BAALC: variants seen among roughly 807,000 people sequenced by gnomAD.
BAALC encodes brain and acute leukemia cytoplasmic protein.
In BAALC, 9 loss-of-function variants were observed where a neutral mutation model predicts 15.5. That is an observed-to-expected ratio of 0.58 (90% confidence interval 0.35 to 1.02). The LOEUF (loss-of-function observed/expected upper bound fraction) is 1.02, where lower values mean the gene tolerates loss of function less well. Ranked by LOEUF, BAALC falls within the 50% of genes least tolerant of loss-of-function variation. The probability of loss-of-function intolerance (pLI) is 0.02; values close to 1 mark genes in which losing one functional copy is unlikely to be tolerated. For missense variants in BAALC, 201 were observed against 192.4 expected (o/e 1.04, Z -0.27); for synonymous variants, 80 against 74.6 (o/e 1.07, Z -0.37).
chr8:103,156,976 A>T (rs1478292612), intron 1 of BAALC: 3 of 152,356 alleles, frequency 2.0e-5, no homozygotes. Context: ...CTTTAGCCAT[A>T]TTTGTCTCTT....
At chr8:103,149,182 A>G (rs1456349322) in intron 1 of BAALC, among the ~76,000 whole-genome samples, 3 of 151,464 alleles carry the variant, frequency 2.0e-5, no homozygotes, top group South Asian at 4.2e-4. Context: ...CCCCCACCCC[A>G]TCTGCCTTGG....
intron 1 of BAALC, among the ~76,000 whole-genome samples, chr8:103,201,350 G>T (rs1419720229): frequency 2.0e-5 from 3 of 151,938 alleles, no homozygotes. Context: ...GGCACCTGTT[G>T]GTCACCCTAG....
intron 2 of BAALC, among the ~76,000 whole-genome samples, chr8:103,214,163 A>G (rs935650777): frequency 6.6e-6 from 1 of 152,200 alleles, no homozygotes; most frequent in Non-Finnish European, 1.5e-5. Flanking sequence ...CATGATCTTC[A>G]GGAAGAGTTT....
intron 2 of BAALC, among the ~76,000 whole-genome samples, chr8:103,222,509 G>C (rs1812700232): frequency 6.6e-6 from 1 of 152,114 alleles, no homozygotes; most frequent in Non-Finnish European, 1.5e-5. Context: ...CCCTTAGATA[G>C]GAATTTGGGC....
chr8:103,227,779 C>T (rs1812838856), intron 2 of BAALC, among the ~76,000 whole-genome samples: 1 of 151,444 alleles, frequency 6.6e-6, no homozygotes, highest in South Asian at 2.1e-4. Flanking sequence ...CCCTTACTGC[C>T]CACTCTTTCC....
At chr8:103,207,894 C>T (rs1812365640) in intron 1 of BAALC, among the ~76,000 whole-genome samples, 1 of 152,124 alleles carries the variant, frequency 6.6e-6, no homozygotes, top group Non-Finnish European at 1.5e-5. Context: ...AAATAAAATC[C>T]ATGCAGCAAA....
At chr8:103,211,551 G>T (rs1224462430) in intron 1 of BAALC, among the ~76,000 whole-genome samples, 2 of 152,130 alleles carry the variant, frequency 1.3e-5, no homozygotes, top group African/African-American at 4.8e-5. Context: ...TTCTTTTGGG[G>T]ATCTCCATTG....
At chr8:103,143,141 G>A (rs571913624) in intron 1 of BAALC, among the ~76,000 whole-genome samples, 7 of 152,302 alleles carry the variant, frequency 4.6e-5, no homozygotes, top group African/African-American at 1.7e-4. Context: ...GGAATGGCTT[G>A]ACTTCTGTGG....
intron 1 of BAALC, among the ~76,000 whole-genome samples, chr8:103,171,433 A>C (rs2388495): frequency 6.7e-6 from 1 of 150,290 alleles, no homozygotes; most frequent in Non-Finnish European, 1.5e-5. Context: ...TGAAAATAAA[A>C]AGAAAGAGAA....
intron 2 of BAALC, among the ~76,000 whole-genome samples, chr8:103,221,127 A>G (rs988012077): frequency 1.3e-5 from 2 of 152,238 alleles, no homozygotes; most frequent in Non-Finnish European, 2.9e-5. Context: ...GAACCCCAAG[A>G]TAAACAAGTC....
chr8:103,225,205 G>GCATT (rs932802162), intron 2 of BAALC, among the ~76,000 whole-genome samples: 18 of 152,282 alleles, frequency 1.2e-4, no homozygotes, highest in African/African-American at 2.6e-4. Flanking sequence ...CAAGTGTGGT[G>GCATT]CATTCATTCA....
intron 1 of BAALC, chr8:103,202,708 A>G (rs1812245385): frequency 6.6e-6 from 1 of 152,246 alleles, no homozygotes; most frequent in African/African-American, 2.4e-5. Context: ...TAGAATAGTA[A>G]GATATAAACA....
chr8:103,151,721 T>C (rs1810992203), intron 1 of BAALC, among the ~76,000 whole-genome samples: 1 of 151,644 alleles, frequency 6.6e-6, no homozygotes, highest in African/African-American at 2.4e-5. Context: ...CCCCATATAA[T>C]AGCCCCTGAT....
chr8:103,184,017 A>T (rs891854500), intron 1 of BAALC, among the ~76,000 whole-genome samples: 1 of 152,076 alleles, frequency 6.6e-6, no homozygotes. Flanking sequence ...TCCTTGGGAG[A>T]ATCCATTTCC....
chr8:103,193,233 C>T (rs1374273055), intron 1 of BAALC, among the ~76,000 whole-genome samples: 1 of 152,250 alleles, frequency 6.6e-6, no homozygotes, highest in Non-Finnish European at 1.5e-5. Context: ...ATGCAGTAAA[C>T]AGACCCTGAT....
chr8:103,223,201 G>A (rs967485372), intron 2 of BAALC, among the ~76,000 whole-genome samples: 15 of 152,106 alleles, frequency 9.9e-5, no homozygotes, highest in African/African-American at 3.1e-4. Context: ...CCAGCTACTC[G>A]GGAGGCTGAG....
At chr8:103,186,431 C>T (rs552295427) in intron 1 of BAALC, among the ~76,000 whole-genome samples, 2 of 152,338 alleles carry the variant, frequency 1.3e-5, no homozygotes, top group African/African-American at 4.8e-5. Context: ...AGCCAATTCT[C>T]ATGACATTAT....
intron 1 of BAALC, among the ~76,000 whole-genome samples, chr8:103,142,993 G>A: frequency 6.6e-6 from 1 of 152,184 alleles, no homozygotes; most frequent in Admixed American, 6.5e-5. Flanking sequence ...CCCTGAAATT[G>A]GCAAGACGCT....
intron 2 of BAALC, chr8:103,219,364 A>C (rs948308708): frequency 6.6e-6 from 1 of 152,344 alleles, no homozygotes; most frequent in Admixed American, 6.5e-5. Context: ...CATCACTCAG[A>C]TTAGAAAAGG....
Sources: gnomAD v4.1 joint callset for allele counts (sites outside exome capture counted in the v4.1 genomes callset) on GRCh38, gnomAD v4.1.1 for gene constraint, MANE v1.5 for transcripts, NCBI Gene and HGNC (gene_info 2026-07-23, HGNC 2026-07-21) for gene names.